SLC49A4: variants seen among roughly 807,000 people sequenced by gnomAD.
SLC49A4 encodes disrupted in renal cancer protein 2.
Under a neutral mutation model 50.6 loss-of-function variants are expected in SLC49A4, and 36 were observed. That is an observed-to-expected ratio of 0.71 (90% CI 0.55 to 0.94). The LOEUF is 0.94. Among genes scored for constraint, SLC49A4 ranks in the 40% least tolerant of loss-of-function variants. The pLI is 0.00. For synonymous variants in SLC49A4, 248 were observed against 241.2 expected (o/e 1.03, Z -0.26); for missense variants, 503 against 605.7 (o/e 0.83, Z 1.78).
rs1937306329 is a variant in SLC49A4 at position 122,879,412 on chromosome 3, G to A, written c.*34G>A. 2 of 1,511,772 alleles carry A rather than the reference G, an allele frequency of 1.3e-6. No homozygotes were observed. Among genetic ancestry groups the A allele is most frequent in the Non-Finnish European group, 1.8e-6 (2 of 1,088,808 alleles). 93.6% of individuals were successfully genotyped at this position (1,511,772 alleles called of 1,614,324 possible). ...ACTTGAAGGAGTTTAAAAGGAGGCTGGAAATCAATACTGCACACTGCACAT... is the reference window on the plus strand; with the variant it reads ...ACTTGAAGGAGTTTAAAAGGAGGCTAGAAATCAATACTGCACACTGCACAT... On this transcript the variant is annotated 3_prime_UTR_variant, in exon 9 of 9. Coordinates refer to ENST00000261038, the MANE Select transcript of SLC49A4 (RefSeq NM_032839.3).
chr3:122,843,846 A>G (rs1228595288), intron 4 of SLC49A4, among the ~76,000 whole-genome samples: 2 of 152,118 alleles, frequency 1.3e-5, no homozygotes, highest in East Asian at 3.9e-4. Context: ...TTTCATCAGG[A>G]GGCGTATAAT....
At position 122,818,487 on chromosome 3, in the gene SLC49A4, G is replaced by A. The variant is rs147606652; in HGVS notation, c.438-8313G>A. Reference sequence around the variant, plus strand: ...TTTCAAAATTTTCTACTATGAATATGTATTAATATATACTCTTAAACAAAA... The same window carrying A: ...TTTCAAAATTTTCTACTATGAATATATATTAATATATACTCTTAAACAAAA... On this transcript the variant is annotated intron_variant, in intron 2 of 8. Coordinates refer to ENST00000261038, the MANE Select transcript of SLC49A4 (RefSeq NM_032839.3). Among the ~76,000 whole-genome samples, 1,080 of 152,044 alleles carry A rather than the reference G, an allele frequency of 7.1e-3. 5 individuals are homozygous for A. Among genetic ancestry groups the A allele is most frequent in the African/African-American group, 0.022 (932 of 41,462 alleles).
At chr3:122,858,758 T>C (rs1937021519) in intron 6 of SLC49A4, among the ~76,000 whole-genome samples, 1 of 152,198 alleles carries the variant, frequency 6.6e-6, no homozygotes. Context: ...TGGGATCAGC[T>C]ATTCTATAAG....
intron 4 of SLC49A4, among the ~76,000 whole-genome samples, chr3:122,845,088 G>A (rs1936829735): frequency 6.6e-6 from 1 of 151,998 alleles, no homozygotes; most frequent in African/African-American, 2.4e-5. Flanking sequence ...GTATCCAATA[G>A]GTAGTTTTTC....
chr3:122,866,503 C>G (rs983241941), intron 7 of SLC49A4, among the ~76,000 whole-genome samples: 12 of 152,146 alleles, frequency 7.9e-5, no homozygotes, highest in African/African-American at 2.7e-4. Flanking sequence ...CTGTCTACAA[C>G]TTAAATATCT....
chr3:122,845,035 G>T (rs1279850978), intron 4 of SLC49A4, among the ~76,000 whole-genome samples: 3 of 151,946 alleles, frequency 2.0e-5, no homozygotes, highest in African/African-American at 7.3e-5. Context: ...ATGTCATGGG[G>T]GTTTGGTGTA....
Position 122,879,359 on chromosome 3 carries a change from A to C in SLC49A4, c.1418A>C (p.Asp473Ala). ...GAATCCTATGACAGACTCTATCTTG[A>C]TGTGGTTGTCTCCGTTTAATAGCAC... is the stretch of plus-strand genomic sequence containing the variant. ...FRESYDRLYL[D>A]VVVSV Residue 473 changes from aspartate (D) to alanine (A), a missense_variant, in exon 9 of 9, where the codon GAT (aspartate) becomes GCT (alanine). Coordinates refer to ENST00000261038, the MANE Select transcript of SLC49A4 (RefSeq NM_032839.3). The C allele has an allele frequency of 6.2e-7, 1 of 1,613,540 alleles. No individual in the cohort carries two copies. Among genetic ancestry groups the C allele is most frequent in the Non-Finnish European group, 8.5e-7 (1 of 1,179,622 alleles).
chr3:122,798,175 T>C (rs905032139), intron 1 of SLC49A4, among the ~76,000 whole-genome samples: 1 of 152,260 alleles, frequency 6.6e-6, no homozygotes, highest in Non-Finnish European at 1.5e-5. Context: ...TGATAATTCC[T>C]TGGTCATTCC....
chr3:122,871,560 T>C (rs1385740916), intron 7 of SLC49A4, among the ~76,000 whole-genome samples: 1 of 152,154 alleles, frequency 6.6e-6, no homozygotes, highest in African/African-American at 2.4e-5. Flanking sequence ...ATTCTACTCA[T>C]TATTATCGGT....
At chr3:122,847,471 C>T (rs1245272035) in intron 5 of SLC49A4, among the ~76,000 whole-genome samples, 1 of 151,718 alleles carries the variant, frequency 6.6e-6, no homozygotes, top group Non-Finnish European at 1.5e-5. Context: ...CCTCAGCCTC[C>T]CGAGTAGCTG....
chr3:122,842,536 A>G (rs1936787168), intron 4 of SLC49A4, among the ~76,000 whole-genome samples: 1 of 151,032 alleles, frequency 6.6e-6, no homozygotes, highest in South Asian at 2.1e-4. Context: ...AGATAGCAAT[A>G]GAGAAGGGTA....
intron 3 of SLC49A4, among the ~76,000 whole-genome samples, chr3:122,827,541 G>A (rs527433215): frequency 4.6e-5 from 7 of 152,198 alleles, no homozygotes; most frequent in South Asian, 4.1e-4. Flanking sequence ...CTCTCTGTAT[G>A]TTTAGTCTGT....
chr3:122,813,385 C>CT (rs1401197647), intron 2 of SLC49A4, among the ~76,000 whole-genome samples: 1 of 151,564 alleles, frequency 6.6e-6, no homozygotes, highest in Non-Finnish European at 1.5e-5. Flanking sequence ...TTTTTATTGA[C>CT]TTTTTTCTTG....
At chr3:122,865,770 A>G (rs1273784629) in intron 7 of SLC49A4, among the ~76,000 whole-genome samples, 1 of 152,182 alleles carries the variant, frequency 6.6e-6, no homozygotes, top group South Asian at 2.1e-4. Context: ...TAACTTTATC[A>G]TGAAATAAAA....
rs1331869675 is a variant in SLC49A4, at chr3:122,831,380, A to G, written c.704-1937A>G. Among the ~76,000 whole-genome samples the G allele has an allele frequency of 3.9e-5, 6 of 152,270 alleles. No homozygotes were observed. In the South Asian group the frequency reaches 1.0e-3, roughly 26 times the overall value. On this transcript the variant is annotated intron_variant, in intron 3 of 8. Coordinates refer to ENST00000261038, the MANE Select transcript of SLC49A4 (RefSeq NM_032839.3). ...AAACAACCCAGATGTCTATCTACTG[A>G]TAAGTGGATGAACAAAATGTGATAT...
intron 3 of SLC49A4, among the ~76,000 whole-genome samples, chr3:122,829,123 T>G (rs1199387441): frequency 1.3e-5 from 2 of 152,144 alleles, no homozygotes; most frequent in Non-Finnish European, 2.9e-5. Flanking sequence ...AAAGGTAACA[T>G]AAGAAAAGTA....
intron 7 of SLC49A4, among the ~76,000 whole-genome samples, chr3:122,866,094 C>T (rs544849887): frequency 6.6e-5 from 10 of 152,050 alleles, no homozygotes; most frequent in Non-Finnish European, 1.2e-4. Flanking sequence ...TACACTGGTG[C>T]GACCTTGGCT....
chr3:122,878,645 A>G (rs767981797), intron 8 of SLC49A4, among the ~76,000 whole-genome samples: 1 of 152,232 alleles, frequency 6.6e-6, no homozygotes, highest in Non-Finnish European at 1.5e-5. Flanking sequence ...ATCATATATA[A>G]CCATTCATGC....
At chr3:122,814,898 A>G (rs995711803) in intron 2 of SLC49A4, among the ~76,000 whole-genome samples, 1 of 152,012 alleles carries the variant, frequency 6.6e-6, no homozygotes, top group Non-Finnish European at 1.5e-5. Flanking sequence ...AATCCAAAAG[A>G]TTGGACACCC....
Sources: allele counts gnomAD v4.1 joint callset (sites outside exome capture counted in the v4.1 genomes callset), GRCh38; gene constraint gnomAD v4.1.1; transcripts MANE v1.5; gene names NCBI Gene and HGNC (gene_info 2026-07-23, HGNC 2026-07-21).